Variants in AK3 observed in about 807,000 individuals in gnomAD.
The protein encoded by AK3 is adenylate kinase 3.
In AK3, 27 loss-of-function variants were observed where a neutral mutation model predicts 23.7. The ratio of observed to expected loss-of-function variants is 1.14; its 90% confidence interval spans 0.84 to 1.57. AK3 has a LOEUF of 1.57. Among genes scored for constraint, AK3 ranks in the 40% most tolerant of loss-of-function variants. The probability of loss-of-function intolerance (pLI) is 0.00; values close to 1 mark genes in which losing one functional copy is unlikely to be tolerated. For synonymous variants in AK3, 159 were observed against 116.0 expected (o/e 1.37, Z -2.38); for missense variants, 406 against 285.6 (o/e 1.42, Z -3.04).
At chr9:4,722,852 T>C (rs181927888) in intron 1 of AK3, among the ~76,000 whole-genome samples, 3 of 151,140 alleles carry the variant, frequency 2.0e-5, no homozygotes, top group East Asian at 2.0e-4. Context: ...AGGACAGGAG[T>C]TCAAGACTAG....
intron 1 of AK3, among the ~76,000 whole-genome samples, chr9:4,735,354 T>TATATATACATATATAA (rs1842255340): frequency 4.7e-5 from 1 of 21,088 alleles, no homozygotes; most frequent in Non-Finnish European, 9.5e-5. Context: ...CATATATAAA[T>TATATATACATATATAA]ATATATATAC....
In AK3 at chr9:4,741,038, C is replaced by T. The variant is rs1388734013; in HGVS notation, c.50G>A (p.Gly17Asp). Residue 17 changes from glycine to aspartate, a missense_variant, in exon 1 of 5, where the codon GGC (glycine) becomes GAC (aspartate). Coordinates refer to ENST00000381809, the MANE Select transcript of AK3 (RefSeq NM_016282.4). Reference sequence around the variant, plus strand: ...CGACGACACGGTGCCCTTGCCCGAGCCCGGGGCCCCCATGATCACCGCTCG... The same window carrying T: ...CGACGACACGGTGCCCTTGCCCGAGTCCGGGGCCCCCATGATCACCGCTCG... ...LLRAVIMGAP[G>D]SGKGTVSSRI... The T allele has an allele frequency of 1.1e-5, 17 of 1,577,134 alleles. No individual in the cohort carries two copies. The highest frequency in any genetic ancestry group is 1.4e-5 in the Non-Finnish European group (16 of 1,164,194).
chr9:4,713,982 A>ATATACG (rs1563780952), intron 4 of AK3, among the ~76,000 whole-genome samples: 2 of 5,360 alleles, frequency 3.7e-4, no homozygotes, highest in Non-Finnish European at 4.2e-4. Context: ...ACATTTACAC[A>ATATACG]CCTACACATA....
intron 1 of AK3, among the ~76,000 whole-genome samples, chr9:4,735,524 C>G (rs1392242536): frequency 1.5e-5 from 2 of 134,450 alleles, no homozygotes; most frequent in Non-Finnish European, 3.0e-5. Flanking sequence ...GTTGCCCAGG[C>G]TGGAGTGCAG....
At chr9:4,734,789 C>G (rs1055725155) in intron 1 of AK3, among the ~76,000 whole-genome samples, 1 of 152,016 alleles carries the variant, frequency 6.6e-6, no homozygotes, top group African/African-American at 2.4e-5. Flanking sequence ...AAAACATGGC[C>G]CATCCATAAA....
Position 4,713,002 on chromosome 9 carries a change from T to C in AK3, c.658A>G (p.Ser220Gly). ...CATGGAGTAACTGAAGCTTTCTGGC[T>C]TCTTTGTGGAACTTTAGTTTGTAGG... is the stretch of plus-strand genomic sequence containing the variant. The part of the protein sequence containing the change: ...AFLQTKVPQR[S>G]QKASVTP The change falls in exon 5 of 5, where the codon AGC (serine) becomes GGC (glycine). Residue 220 changes from serine to glycine, a missense_variant. Coordinates refer to ENST00000381809, the MANE Select transcript of AK3 (RefSeq NM_016282.4). The C allele has an allele frequency of 6.2e-7, 1 of 1,613,744 alleles. No individual in the cohort carries two copies. The highest frequency in any genetic ancestry group is 1.7e-4 in the Middle Eastern group (1 of 6,028).
chr9:4,720,970 T>G (rs1329003644), intron 2 of AK3, among the ~76,000 whole-genome samples: 1 of 152,224 alleles, frequency 6.6e-6, no homozygotes, highest in East Asian at 1.9e-4. Flanking sequence ...TCCACCCATG[T>G]AATCCTACTC....
chr9:4,716,779 T>A (rs991249229), intron 4 of AK3, among the ~76,000 whole-genome samples: 1 of 152,106 alleles, frequency 6.6e-6, no homozygotes, highest in South Asian at 2.1e-4. Context: ...AAAATTTTTT[T>A]AATTGGCCAG....
At position 4,718,403 on chromosome 9, in the gene AK3, A is replaced by C. The variant is rs1241018332; in HGVS notation, c.563+16T>G. On this transcript the variant is annotated intron_variant, in intron 4 of 4. Coordinates refer to ENST00000381809, the MANE Select transcript of AK3 (RefSeq NM_016282.4). Reference sequence around the variant, plus strand: ...GCACCACTACGCAAGAGAAGTTCTGAAAAGCAAAAACTCACTGGTAATATT... The same window carrying C: ...GCACCACTACGCAAGAGAAGTTCTGCAAAGCAAAAACTCACTGGTAATATT... The C allele has an allele frequency of 1.9e-6, 3 of 1,599,946 alleles. No homozygotes were observed.
chr9:4,732,236 A>C (rs1288597301), intron 1 of AK3, among the ~76,000 whole-genome samples: 6 of 152,206 alleles, frequency 3.9e-5, no homozygotes, highest in Non-Finnish European at 8.8e-5. Context: ...GGCATGAGCC[A>C]CTGCACATGG....
intron 1 of AK3, among the ~76,000 whole-genome samples, chr9:4,734,170 A>C (rs1442847287): frequency 6.6e-6 from 1 of 152,192 alleles, no homozygotes; most frequent in East Asian, 1.9e-4. Context: ...GAGGAGGAGG[A>C]GACATCAGGG....
In AK3 at chr9:4,722,589, C is replaced by T; in HGVS notation, c.188G>A (p.Gly63Glu). 2 of 1,614,128 alleles carry T rather than the reference C, an allele frequency of 1.2e-6. No individual in the cohort carries two copies. Among genetic ancestry groups the T allele is most frequent in the Non-Finnish European group, 1.7e-6 (2 of 1,180,016 alleles). Residue 63 changes from glycine to glutamate, a missense_variant, in exon 2 of 5, where the codon GGG becomes GAG. By Grantham distance (98) the Gly-to-Glu change is moderately conservative (BLOSUM62 -2). Transcript: ENST00000381809. ...GVLAKAFIDQ[G>E]KLIPDDVMTR... ...CATGACATCATCTGGGATGAGTTTC[C>T]CTTGGTCAATGAAAGCCTTGGCTAA...
intron 2 of AK3, 49 bp downstream of exon 2, chr9:4,722,457 C>T: frequency 6.2e-7 from 1 of 1,612,984 alleles, no homozygotes; most frequent in Non-Finnish European, 8.5e-7. Flanking sequence ...ATTCTCCTGC[C>T]AGCACTGATT....
rs567856649 is a variant in AK3, at chr9:4,712,660, C to T, written c.*316G>A. 14 of 172,532 alleles carry T rather than the reference C, an allele frequency of 8.1e-5. No homozygotes were observed. The highest frequency in any genetic ancestry group is 3.1e-4 in the African/African-American group (13 of 42,232). The allele number at this position is 172,532 out of a possible 1,614,324, so 10.7% of individuals were successfully genotyped here. On this transcript the variant is annotated 3_prime_UTR_variant, in exon 5 of 5. Transcript: ENST00000381809. ...AAAAATATGGAAACTTTATCAACCA[C>T]TTATTAACTGAACAAAAAGTTAGAT...
chr9:4,721,996 T>C (rs970168729), intron 2 of AK3, among the ~76,000 whole-genome samples: 1 of 152,194 alleles, frequency 6.6e-6, no homozygotes, highest in South Asian at 2.1e-4. Flanking sequence ...AAGACTAGAT[T>C]AGCTATCCTC....
chr9:4,719,191 T>A lies in AK3; in HGVS notation c.388A>T (p.Ile130Phe), dbSNP rs1841822943. The A allele has an allele frequency of 6.2e-7, 1 of 1,611,740 alleles. No individual in the cohort carries two copies. The highest frequency in any genetic ancestry group is 1.1e-5 in the South Asian group (1 of 90,974). ...VIKQRLTARW[I>F]HPASGRVYNI... Reference sequence around the variant, plus strand: ...TAGACTCGGCCACTGGCGGGATGAATCCAGCGAGCAGTAAGGCGTTGTTTA... The same window carrying A: ...TAGACTCGGCCACTGGCGGGATGAAACCAGCGAGCAGTAAGGCGTTGTTTA... Residue 130 changes from isoleucine to phenylalanine, a missense_variant, in exon 3 of 5, where the codon ATT becomes TTT. Ile to Phe is a conservative substitution (Grantham distance 21, BLOSUM62 0). Transcript: ENST00000381809.
chr9:4,714,104 A>C (rs201025013), intron 4 of AK3, among the ~76,000 whole-genome samples: 309 of 1,326 alleles, frequency 0.23, 10 homozygotes, highest in Middle Eastern at 0.5. Flanking sequence ...ATACACACCT[A>C]CACATATACA....
intron 2 of AK3, among the ~76,000 whole-genome samples, chr9:4,720,165 AACAG>A (rs1286877466): frequency 2.6e-5 from 4 of 152,190 alleles, no homozygotes; most frequent in Non-Finnish European, 5.9e-5. Context: ...ATAAAACCCT[AACAG>A]ACAAAGAGAT....
chr9:4,721,298 G>C (rs973287175), intron 2 of AK3, among the ~76,000 whole-genome samples: 3 of 151,670 alleles, frequency 2.0e-5, no homozygotes, highest in Non-Finnish European at 4.4e-5. Flanking sequence ...AGCTACTCAG[G>C]AGGCTGAGGC....
Sources: gnomAD v4.1 joint callset for allele counts (sites outside exome capture counted in the v4.1 genomes callset) on GRCh38, gnomAD v4.1.1 for gene constraint, MANE v1.5 for transcripts, NCBI Gene and HGNC (gene_info 2026-07-23, HGNC 2026-07-21) for gene names.